PCDH15: variants seen among roughly 807,000 people sequenced by gnomAD.
PCDH15 encodes the protein protocadherin-15.
PCDH15 carries 129 observed loss-of-function variants against 178.5 expected under a neutral mutation model. That is an observed-to-expected ratio of 0.72 (90% confidence interval 0.63 to 0.84). PCDH15 has a LOEUF of 0.84. PCDH15 is among the 40% of genes least tolerant of loss of function. The probability of loss-of-function intolerance (pLI) is 0.00; values close to 1 mark genes in which losing one functional copy is unlikely to be tolerated. For synonymous variants in PCDH15, 800 were observed against 732.0 expected (o/e 1.09, Z -1.50); for missense variants, 2,230 against 2,099.9 (o/e 1.06, Z -1.21).
rs148397525 is a variant in PCDH15 at position 55,550,854 on chromosome 10, C to G, written c.-156+76771G>C. Among the ~76,000 whole-genome samples, 63 of 152,114 alleles carry G rather than the reference C, an allele frequency of 4.1e-4. No homozygotes were observed. In the East Asian group the frequency reaches 9.9e-3, roughly 24 times the overall value. On this transcript the variant is annotated intron_variant, in intron 2 of 5. Transcript: ENST00000613346. ...ACATTTCAAGAACAATTGCCCCTCC[C>G]AAAATATATACCTTGATGTCCGGTT...
At chr10:54,273,327 T>C (rs1449386831) in intron 8 of PCDH15, among the ~76,000 whole-genome samples, 1 of 151,520 alleles carries the variant, frequency 6.6e-6, no homozygotes, top group Non-Finnish European at 1.5e-5. Flanking sequence ...AAGTGTAAAT[T>C]ATAATGAAGT....
intron 3 of PCDH15, among the ~76,000 whole-genome samples, chr10:54,841,181 C>A (rs1416582719): frequency 1.3e-5 from 2 of 151,736 alleles, no homozygotes; most frequent in African/African-American, 2.4e-5. Context: ...TAAAACAAGT[C>A]TCAACAAATT....
chr10:55,093,989 C>A (rs971862909), intron 2 of PCDH15, among the ~76,000 whole-genome samples: 6 of 152,068 alleles, frequency 3.9e-5, no homozygotes, highest in African/African-American at 1.4e-4. Context: ...TGTGGAGATT[C>A]CTCAAGGATC....
At chr10:53,921,617 T>C (rs111847559) in intron 25 of PCDH15, among the ~76,000 whole-genome samples, 4 of 152,308 alleles carry the variant, frequency 2.6e-5, no homozygotes, top group African/African-American at 9.6e-5. Flanking sequence ...TGCCAGTTGC[T>C]TGAAGGTCAT....
At chr10:55,593,732 A>T (rs2132134698) in intron 2 of PCDH15, among the ~76,000 whole-genome samples, 1 of 151,986 alleles carries the variant, frequency 6.6e-6, no homozygotes, top group Admixed American at 6.6e-5. Context: ...GAAGACTTCC[A>T]TAAACAATTT....
At chr10:55,504,231 A>G (rs1840714675) in intron 2 of PCDH15, among the ~76,000 whole-genome samples, 1 of 151,368 alleles carries the variant, frequency 6.6e-6, no homozygotes, top group Admixed American at 6.6e-5. Flanking sequence ...TAAAAGCACC[A>G]CTCAGGTGAG....
At chr10:55,031,006 T>TA (rs1338342215) in intron 2 of PCDH15, among the ~76,000 whole-genome samples, 1 of 151,810 alleles carries the variant, frequency 6.6e-6, no homozygotes, top group Non-Finnish European at 1.5e-5. Flanking sequence ...AATGCAGATT[T>TA]TTTTTTCAAT....
chr10:55,112,990 C>G (rs1185679210), intron 2 of PCDH15, among the ~76,000 whole-genome samples: 1 of 152,122 alleles, frequency 6.6e-6, no homozygotes, highest in Non-Finnish European at 1.5e-5. Context: ...GCTTTGTTAT[C>G]TGTGTGTGTC....
intron 1 of PCDH15, among the ~76,000 whole-genome samples, chr10:54,779,491 T>TATATACACAC (rs1950125876): frequency 1.4e-5 from 2 of 138,272 alleles, no homozygotes; most frequent in Non-Finnish European, 3.2e-5. Context: ...TATATATGTA[T>TATATACACAC]ATATATACAC....
At chr10:55,565,322 C>T (rs1316172143) in intron 2 of PCDH15, among the ~76,000 whole-genome samples, 2 of 151,308 alleles carry the variant, frequency 1.3e-5, no homozygotes, top group African/African-American at 4.8e-5. Context: ...TCACAACATG[C>T]CAAAATTTAT....
At chr10:54,201,815 A>G (rs1214801312) in intron 10 of PCDH15, among the ~76,000 whole-genome samples, 7 of 152,194 alleles carry the variant, frequency 4.6e-5, no homozygotes, top group Admixed American at 2.6e-4. Flanking sequence ...TGAACACCTT[A>G]GATTATAGAA....
At chr10:54,151,800 AAC>A (rs2044564971) in intron 14 of PCDH15, among the ~76,000 whole-genome samples, 1 of 152,128 alleles carries the variant, frequency 6.6e-6, no homozygotes, top group Admixed American at 6.5e-5. Context: ...TAACAACAAA[AAC>A]ACTGAACTAG....
intron 5 of PCDH15, among the ~76,000 whole-genome samples, chr10:54,358,302 C>A (rs1168446096): frequency 6.6e-6 from 1 of 151,770 alleles, no homozygotes; most frequent in Admixed American, 6.6e-5. Flanking sequence ...CTACAATGAA[C>A]TCAAACAAAT....
At chr10:54,106,063 A>T (rs182988175) in intron 15 of PCDH15, among the ~76,000 whole-genome samples, 50 of 152,316 alleles carry the variant, frequency 3.3e-4, no homozygotes, top group African/African-American at 1.2e-3. Flanking sequence ...ACATCTAAAC[A>T]ACATGTCAGA....
chr10:55,566,353 C>T (rs926070492), intron 2 of PCDH15, among the ~76,000 whole-genome samples: 1 of 151,602 alleles, frequency 6.6e-6, no homozygotes, highest in South Asian at 2.1e-4. Context: ...CCATATAAAA[C>T]ATCATAGTCA....
chr10:54,503,526 A>T (rs2080907118), intron 3 of PCDH15, among the ~76,000 whole-genome samples: 1 of 151,316 alleles, frequency 6.6e-6, no homozygotes, highest in African/African-American at 2.4e-5. Flanking sequence ...TTTAAAAAAA[A>T]AACTTGAAAG....
intron 3 of PCDH15, among the ~76,000 whole-genome samples, chr10:54,816,493 T>C (rs1275456713): frequency 1.3e-5 from 2 of 152,088 alleles, no homozygotes; most frequent in African/African-American, 2.4e-5. Context: ...AAACCAGCCA[T>C]GCTTGTTGCC....
At chr10:54,206,750 A>C (rs528097576) in intron 10 of PCDH15, among the ~76,000 whole-genome samples, 2 of 152,234 alleles carry the variant, frequency 1.3e-5, no homozygotes, top group African/African-American at 2.4e-5. Context: ...GACAAAAAAT[A>C]ACAAAGAGTT....
intron 2 of PCDH15, among the ~76,000 whole-genome samples, chr10:54,612,824 A>G (rs1379206173): frequency 6.6e-6 from 1 of 151,852 alleles, no homozygotes; most frequent in Non-Finnish European, 1.5e-5. Context: ...GTTCCAAGTA[A>G]GTTTCTTATC....
Sources: allele counts gnomAD v4.1 joint callset (sites outside exome capture counted in the v4.1 genomes callset), GRCh38; gene constraint gnomAD v4.1.1; transcripts MANE v1.5; gene names NCBI Gene and HGNC (gene_info 2026-07-23, HGNC 2026-07-21).